TTLL5: variants seen among roughly 807,000 people sequenced by gnomAD.
TTLL5 encodes the protein tubulin tyrosine ligase like 5.
A neutral mutation model predicts 168.4 loss-of-function variants in TTLL5; 132 were observed. The observed-to-expected ratio is 0.78, with a 90% CI of 0.68 to 0.91. TTLL5 has a LOEUF of 0.91. Ranked by LOEUF, TTLL5 falls within the 40% of genes least tolerant of loss-of-function variation. TTLL5 has a pLI of 0.00. For synonymous variants in TTLL5, 546 were observed against 558.6 expected (o/e 0.98, Z 0.32); for missense variants, 1,545 against 1,581.5 (o/e 0.98, Z 0.39).
chr14:75,872,984 G>T (rs1368187217), intron 29 of TTLL5, among the ~76,000 whole-genome samples: 3 of 150,074 alleles, frequency 2.0e-5, no homozygotes, highest in Non-Finnish European at 4.4e-5. Flanking sequence ...CATTTAGGTA[G>T]AAAACATGTA....
Position 75,933,409 on chromosome 14 carries a change from G to T in TTLL5, c.3824-21015G>T, listed in dbSNP as rs529119468. ...ACCCTGGAGGTCAAGGCCGCAGTCA[G>T]CCGGATCATGCTACTGCAGTCCATC... On this transcript the variant is annotated intron_variant, in intron 31 of 31. Coordinates refer to ENST00000298832, the MANE Select transcript of TTLL5 (RefSeq NM_015072.5). 2.6e-5 allele frequency among the ~76,000 whole-genome samples: 4 copies of T among 152,316 alleles called. No homozygotes were observed. In the South Asian group the frequency reaches 8.3e-4, roughly 32 times the overall value.
chr14:75,691,146 G>A (rs78825083), intron 6 of TTLL5, among the ~76,000 whole-genome samples: 3,536 of 152,180 alleles, frequency 0.023, 119 homozygotes, highest in African/African-American at 0.068. Flanking sequence ...AAAAATACAC[G>A]TAGGAGCCAA....
At chr14:75,892,744 T>A (rs1407061827) in intron 30 of TTLL5, among the ~76,000 whole-genome samples, 3 of 152,186 alleles carry the variant, frequency 2.0e-5, no homozygotes, top group Admixed American at 2.0e-4. Flanking sequence ...ACCGACTAAC[T>A]GAGTCTGTCT....
chr14:75,779,828 C>A, intron 24 of TTLL5, 126 bp downstream of exon 24: 4 of 978,084 alleles, frequency 4.1e-6, no homozygotes, highest in Non-Finnish European at 5.6e-6. Context: ...GACTTTGCAG[C>A]TTGGGGAGGG....
At chr14:75,930,719 C>A in intron 31 of TTLL5, 1 of 806,490 alleles carries the variant, frequency 1.2e-6, no homozygotes, top group Non-Finnish European at 1.5e-6. Context: ...GAGAAAGAAG[C>A]GATTTCACCT....
intron 30 of TTLL5, among the ~76,000 whole-genome samples, chr14:75,901,247 G>A (rs1185572357): frequency 6.6e-6 from 1 of 152,130 alleles, no homozygotes; most frequent in African/African-American, 2.4e-5. Context: ...TGTCATTATG[G>A]AGCTTACATT....
intron 2 of TTLL5, among the ~76,000 whole-genome samples, chr14:75,663,760 C>A (rs962133471): frequency 6.6e-6 from 1 of 152,048 alleles, no homozygotes; most frequent in Non-Finnish European, 1.5e-5. Context: ...GTTAAGAGTC[C>A]AATTTCATGA....
chr14:75,948,901 C>G (rs1427900358), intron 31 of TTLL5, among the ~76,000 whole-genome samples: 2 of 152,006 alleles, frequency 1.3e-5, no homozygotes, highest in Non-Finnish European at 2.9e-5. Context: ...ATACAAAATC[C>G]AAATATTCCT....
intron 2 of TTLL5, among the ~76,000 whole-genome samples, chr14:75,666,642 A>ACTTTAGGTAGGCCTTGGAGGGTGGTGAGG (rs1883284827): frequency 6.6e-6 from 1 of 152,164 alleles, no homozygotes; most frequent in African/African-American, 2.4e-5. Context: ...AGGTGGTGAG[A>ACTTTAGGTAGGCCTTGGAGGGTGGTGAGG]CTTTAGGTAG....
intron 28 of TTLL5, among the ~76,000 whole-genome samples, chr14:75,845,124 A>G (rs1355252655): frequency 6.6e-6 from 1 of 152,182 alleles, no homozygotes; most frequent in Non-Finnish European, 1.5e-5. Context: ...CTCCATAGCC[A>G]GTTGTTCCCT....
chr14:75,923,907 A>G (rs928584960), intron 31 of TTLL5, among the ~76,000 whole-genome samples: 5 of 152,202 alleles, frequency 3.3e-5, no homozygotes, highest in Non-Finnish European at 5.9e-5. Flanking sequence ...GGGTGCATAT[A>G]TATTTAGGAT....
intron 29 of TTLL5, among the ~76,000 whole-genome samples, chr14:75,881,695 T>A (rs770031993): frequency 6.6e-6 from 1 of 152,186 alleles, no homozygotes; most frequent in Non-Finnish European, 1.5e-5. Context: ...TGCCAGAAAT[T>A]GTTTTAATAA....
intron 31 of TTLL5, among the ~76,000 whole-genome samples, chr14:75,953,247 G>C (rs2035016340): frequency 6.6e-6 from 1 of 152,210 alleles, no homozygotes; most frequent in Non-Finnish European, 1.5e-5. Flanking sequence ...AGGCAATACT[G>C]CTCCACATGT....
At chr14:75,796,679 G>A (rs960009495) in intron 27 of TTLL5, among the ~76,000 whole-genome samples, 1 of 152,110 alleles carries the variant, frequency 6.6e-6, no homozygotes, top group African/African-American at 2.4e-5. Context: ...GTTGAATAGG[G>A]TGTCCTTTCC....
intron 15 of TTLL5, chr14:75,737,705 G>C: frequency 7.8e-7 from 1 of 1,289,440 alleles, no homozygotes; most frequent in African/African-American, 1.5e-5. Flanking sequence ...ATATTTTTAT[G>C]TACCTATTTT....
chr14:75,793,204 C>T, intron 27 of TTLL5, 104 bp downstream of exon 27: 1 of 1,032,176 alleles, frequency 9.7e-7, no homozygotes, highest in Admixed American at 3.2e-5. Flanking sequence ...TATACTGATG[C>T]CTCTTGAATG....
At chr14:75,731,374 TACACACACACACACACACACACACAC>T (rs3031047) in intron 12 of TTLL5, among the ~76,000 whole-genome samples, 4 of 139,236 alleles carry the variant, frequency 2.9e-5, no homozygotes, top group African/African-American at 1.1e-4. Flanking sequence ...TACACATACA[TACACACACACACACACACACACACAC>T]ACACACACAC....
In TTLL5 at chr14:75,735,121, A is replaced by G. The variant is rs900671625; in HGVS notation, c.1187-74A>G. On this transcript the variant is annotated intron_variant, in intron 14 of 31. Transcript: ENST00000298832. Reference sequence around the variant, plus strand: ...ACAGTGAAACTGAGTTTGTGTATCTAAAGAAAAGGTGCAGCCAGACCTGCT... The same window carrying G: ...ACAGTGAAACTGAGTTTGTGTATCTGAAGAAAAGGTGCAGCCAGACCTGCT... 7.2e-6 allele frequency: 10 copies of G among 1,388,464 alleles called. No homozygotes were observed. The South Asian group carries it at 8.1e-5, about 11-fold the overall frequency. 86.0% of individuals were successfully genotyped at this position (1,388,464 alleles called of 1,614,324 possible). A position where few individuals can be genotyped will look rare whatever the true frequency, so the allele number is the denominator to read the frequency against.
At chr14:75,669,301 A>T in intron 2 of TTLL5, 115 bp from the exon 3 acceptor site, 1 of 907,258 alleles carries the variant, frequency 1.1e-6, no homozygotes, top group Non-Finnish European at 1.7e-6. Flanking sequence ...GATATTTGGG[A>T]TTTGTATTCC....
Sources: allele counts gnomAD v4.1 joint callset (sites outside exome capture counted in the v4.1 genomes callset), GRCh38; gene constraint gnomAD v4.1.1; transcripts MANE v1.5; gene names NCBI Gene and HGNC (gene_info 2026-07-23, HGNC 2026-07-21).